TENM3: variants seen among roughly 807,000 people sequenced by gnomAD.
TENM3 encodes the protein teneurin transmembrane protein 3.
In TENM3, 63 loss-of-function variants were observed where a neutral mutation model predicts 255.1. That is an observed-to-expected ratio of 0.25 (90% CI 0.20 to 0.30). The LOEUF is 0.30. Among genes scored for constraint, TENM3 ranks in the 10% least tolerant of loss-of-function variants. The pLI, the probability that TENM3 is intolerant of heterozygous loss-of-function variation, is 1.00. For synonymous variants in TENM3, 1,306 were observed against 1,322.3 expected, an observed-to-expected ratio of 0.99 and a Z score of 0.27; for missense variants, 2,929 against 3,461.1, an observed-to-expected ratio of 0.85 and a Z score of 3.86.
chr4:182,111,586 A>G, the TENM3 span, among the ~76,000 whole-genome samples: 8 of 152,362 alleles, frequency 5.3e-5, no homozygotes, highest in South Asian at 1.7e-3. Flanking sequence ...GGACCCACAG[A>G]TGGACATGCT....
At chr4:182,616,747 T>G (rs1202971123) in intron 4 of TENM3, among the ~76,000 whole-genome samples, 3 of 152,088 alleles carry the variant, frequency 2.0e-5, no homozygotes, top group Admixed American at 1.3e-4. Flanking sequence ...GAGAATTATT[T>G]CCAAATAGCT....
chr4:182,385,641 G>GC (rs1327142998), intron 3 of TENM3, among the ~76,000 whole-genome samples: 1 of 149,870 alleles, frequency 6.7e-6, no homozygotes, highest in Non-Finnish European at 1.5e-5. Flanking sequence ...TAGAGGCTTT[G>GC]TTAAAAGTTA....
At chr4:182,232,947 T>G (rs543263270) in intron 1 of TENM3, among the ~76,000 whole-genome samples, 1 of 152,274 alleles carries the variant, frequency 6.6e-6, no homozygotes, top group Non-Finnish European at 1.5e-5. Flanking sequence ...ACTTTAAACT[T>G]ACAGATTTTT....
intron 3 of TENM3, among the ~76,000 whole-genome samples, chr4:182,370,681 T>C (rs1413807172): frequency 6.6e-6 from 1 of 152,204 alleles, no homozygotes; most frequent in African/African-American, 2.4e-5. Context: ...AGTATTGTTA[T>C]CTGTGTCTTT....
chr4:182,005,600 G>T, the TENM3 span, among the ~76,000 whole-genome samples: 3 of 152,148 alleles, frequency 2.0e-5, no homozygotes, highest in Non-Finnish European at 1.5e-5. Context: ...TTCTAATTCT[G>T]TGAAGAATGT....
At chr4:182,530,920 A>G (rs1739717370) in intron 3 of TENM3, among the ~76,000 whole-genome samples, 1 of 152,224 alleles carries the variant, frequency 6.6e-6, no homozygotes. Flanking sequence ...GTGGAAATCA[A>G]ATCGTTTTTG....
chr4:182,623,011 C>CT (rs562578993), intron 4 of TENM3, among the ~76,000 whole-genome samples: 23,264 of 142,980 alleles, frequency 0.16, 1,967 homozygotes, highest in African/African-American at 0.19. Flanking sequence ...GACAGAGTCT[C>CT]TTTTTTTTTT....
chr4:182,397,398 T>TAAAAAAAAAAAA (rs144177808), intron 3 of TENM3, among the ~76,000 whole-genome samples: 3 of 48,978 alleles, frequency 6.1e-5, no homozygotes, highest in Non-Finnish European at 7.7e-5. Context: ...AGACTCCATC[T>TAAAAAAAAAAAA]AAAAAAAAAA....
At chr4:181,597,952 C>T in the TENM3 span, among the ~76,000 whole-genome samples, 76 of 152,272 alleles carry the variant, frequency 5.0e-4, no homozygotes, top group African/African-American at 1.8e-3. Flanking sequence ...CAATCAGGCT[C>T]AAGGAGGAAA....
At chr4:181,853,959 G>A in the TENM3 span, among the ~76,000 whole-genome samples, 2 of 152,126 alleles carry the variant, frequency 1.3e-5, no homozygotes, top group Admixed American at 6.6e-5. Context: ...AAACCTAGCA[G>A]GATTTTTTAA....
At chr4:182,059,440 T>G in the TENM3 span, among the ~76,000 whole-genome samples, 78 of 152,208 alleles carry the variant, frequency 5.1e-4, 1 homozygote, top group African/African-American at 1.8e-3. Flanking sequence ...TTCTTTTAGA[T>G]TTCAATAACA....
At chr4:182,449,506 G>A (rs1386769766) in intron 3 of TENM3, among the ~76,000 whole-genome samples, 1 of 152,096 alleles carries the variant, frequency 6.6e-6, no homozygotes, top group Non-Finnish European at 1.5e-5. Flanking sequence ...TAATCCGTGA[G>A]GCAAAGCTGC....
At chr4:182,487,460 G>T (rs533324722) in intron 3 of TENM3, among the ~76,000 whole-genome samples, 25 of 152,218 alleles carry the variant, frequency 1.6e-4, no homozygotes, top group Admixed American at 3.9e-4. Context: ...AAAATAATGT[G>T]CATTTGGTTA....
chr4:181,888,357 C>T, the TENM3 span, among the ~76,000 whole-genome samples: 16 of 151,042 alleles, frequency 1.1e-4, no homozygotes, highest in African/African-American at 3.9e-4. Context: ...TTGTCATTTC[C>T]CAACCTGCAC....
chr4:181,607,356 A>C, the TENM3 span, among the ~76,000 whole-genome samples: 1 of 152,170 alleles, frequency 6.6e-6, no homozygotes, highest in Admixed American at 6.5e-5. Flanking sequence ...AGATGCAGCT[A>C]ATGACGGAGG....
At chr4:181,757,981 A>G in the TENM3 span, among the ~76,000 whole-genome samples, 3 of 152,142 alleles carry the variant, frequency 2.0e-5, no homozygotes, top group Non-Finnish European at 4.4e-5. Context: ...AATTACGACC[A>G]GTGACATCTC....
At position 182,512,781 on chromosome 4, in the gene TENM3, A is replaced by T. The variant is rs576626239; in HGVS notation, c.512-88143A>T. On this transcript the variant is annotated intron_variant, in intron 3 of 27. Coordinates refer to ENST00000511685, the MANE Select transcript of TENM3 (RefSeq NM_001080477.4). ...AATCCCTCTGAGCCTCCCTCTCCTAATGTGTAACATGAAACAATCTAACCT... is the reference window on the plus strand; with the variant it reads ...AATCCCTCTGAGCCTCCCTCTCCTATTGTGTAACATGAAACAATCTAACCT... 4.6e-5 allele frequency among the ~76,000 whole-genome samples: 7 copies of T among 152,248 alleles called. No individual in the cohort carries two copies. The East Asian group carries it at 1.4e-3, about 30-fold the overall frequency.
the TENM3 span, among the ~76,000 whole-genome samples, chr4:181,811,666 C>G: frequency 9.2e-5 from 14 of 152,152 alleles, no homozygotes; most frequent in Non-Finnish European, 1.6e-4. Flanking sequence ...ATGGTGGCAG[C>G]CAAGAGAGCT....
At chr4:182,163,679 T>C (rs952157680) in intron 1 of TENM3, among the ~76,000 whole-genome samples, 1 of 152,226 alleles carries the variant, frequency 6.6e-6, no homozygotes, top group Non-Finnish European at 1.5e-5. Flanking sequence ...GAGCCTCTTA[T>C]TGTAAATGTG....
Sources: allele counts gnomAD v4.1 joint callset (sites outside exome capture counted in the v4.1 genomes callset), GRCh38; gene constraint gnomAD v4.1.1; transcripts MANE v1.5; gene names NCBI Gene and HGNC (gene_info 2026-07-23, HGNC 2026-07-21).